Variants in RBMS3 observed in about 807,000 individuals in gnomAD.
The protein encoded by RBMS3 is RNA-binding motif, single-stranded-interacting protein 3.
RBMS3 carries 27 observed loss-of-function variants against 66.8 expected under a neutral mutation model. That is an observed-to-expected ratio of 0.40 (90% CI 0.30 to 0.56). The LOEUF (loss-of-function observed/expected upper bound fraction) is 0.56, where lower values mean the gene tolerates loss of function less well. Ranked by LOEUF, RBMS3 falls within the 20% of genes least tolerant of loss-of-function variation. The pLI is 0.40. For missense variants in RBMS3, 513 were observed against 549.5 expected (o/e 0.93, Z 0.66); for synonymous variants, 188 against 183.0 (o/e 1.03, Z -0.22).
At chr3:29,484,933 GCGGAGACTCTAT>G (rs1483513218) in intron 2 of RBMS3, among the ~76,000 whole-genome samples, 1 of 152,146 alleles carries the variant, frequency 6.6e-6, no homozygotes, top group East Asian at 1.9e-4. Context: ...TTAATTGACT[GCGGAGACTCTAT>G]TTTCAGTCTC....
chr3:29,659,334 C>T (rs61621485), intron 4 of RBMS3, among the ~76,000 whole-genome samples: 5,367 of 152,022 alleles, frequency 0.035, 208 homozygotes, highest in African/African-American at 0.091. Context: ...TATCTAGAGC[C>T]CTTTTCGTCT....
chr3:29,689,260 G>A (rs1386960195), intron 4 of RBMS3, among the ~76,000 whole-genome samples: 2 of 151,202 alleles, frequency 1.3e-5, no homozygotes, highest in Non-Finnish European at 2.9e-5. Flanking sequence ...CTTAAATTAA[G>A]CAAAATTCAT....
At chr3:29,765,532 T>A (rs1361257256) in intron 6 of RBMS3, among the ~76,000 whole-genome samples, 2 of 152,034 alleles carry the variant, frequency 1.3e-5, no homozygotes, top group Non-Finnish European at 2.9e-5. Context: ...ATCTCAGTGT[T>A]CTGCCTTATC....
chr3:29,942,355 TA>T (rs554585720), intron 11 of RBMS3, among the ~76,000 whole-genome samples: 22 of 151,244 alleles, frequency 1.5e-4, no homozygotes, highest in African/African-American at 4.4e-4. Context: ...CCCATCACAA[TA>T]AAAAAAATTG....
chr3:29,651,119 A>C (rs996382695), intron 4 of RBMS3, among the ~76,000 whole-genome samples: 2 of 152,212 alleles, frequency 1.3e-5, no homozygotes, highest in Non-Finnish European at 2.9e-5. Context: ...GACTGACTTA[A>C]TCACAGCATC....
intron 3 of RBMS3, among the ~76,000 whole-genome samples, chr3:29,527,792 C>G (rs972588404): frequency 7.1e-6 from 1 of 140,234 alleles, no homozygotes; most frequent in Non-Finnish European, 1.5e-5. Flanking sequence ...ATCCCTCCCC[C>G]CTCCCCCTAC....
At chr3:29,506,562 G>C (rs552053573) in intron 3 of RBMS3, among the ~76,000 whole-genome samples, 1 of 151,964 alleles carries the variant, frequency 6.6e-6, no homozygotes, top group Non-Finnish European at 1.5e-5. Context: ...GTTCTTGTCA[G>C]GCTTTGATGA....
chr3:29,381,939 C>A (rs1371492089), intron 1 of RBMS3, among the ~76,000 whole-genome samples: 1 of 152,056 alleles, frequency 6.6e-6, no homozygotes, highest in African/African-American at 2.4e-5. Context: ...TTCTTTCCTT[C>A]CCTGTATATC....
intron 3 of RBMS3, among the ~76,000 whole-genome samples, chr3:29,542,680 G>T (rs905246401): frequency 6.6e-6 from 1 of 152,086 alleles, no homozygotes; most frequent in Admixed American, 6.6e-5. Context: ...TTTTTAAATG[G>T]AAAGGGATGT....
chr3:29,951,129 A>G (rs899530559), intron 12 of RBMS3, among the ~76,000 whole-genome samples: 7 of 151,996 alleles, frequency 4.6e-5, no homozygotes, highest in South Asian at 2.1e-4. Context: ...CACAAATTCA[A>G]CTTGGAAGTA....
Position 30,004,845 on chromosome 3 carries a change from G to A in RBMS3, c.*983G>A, listed in dbSNP as rs952270189. On this transcript the variant is annotated 3_prime_UTR_variant, in exon 15 of 15. Coordinates refer to ENST00000383767, the MANE Select transcript of RBMS3 (RefSeq NM_001003793.3). The stretch of plus-strand genomic sequence containing the variant: ...TTTTATGAGCTTTACAAAGTTTTTA[G>A]TCAGCTTTGCTTGTCACATTGCAAA... 2.0e-5 allele frequency: 3 copies of A among 149,730 alleles called. No individual in the cohort carries two copies. Among genetic ancestry groups the A allele is most frequent in the Non-Finnish European group, 4.5e-5 (3 of 67,386 alleles). 9.3% of individuals were successfully genotyped at this position (149,730 alleles called of 1,614,324 possible). A position where few individuals can be genotyped will look rare whatever the true frequency, so the allele number is the denominator to read the frequency against.
At chr3:29,617,659 G>C (rs961612867) in intron 4 of RBMS3, among the ~76,000 whole-genome samples, 1 of 152,144 alleles carries the variant, frequency 6.6e-6, no homozygotes, top group African/African-American at 2.4e-5. Context: ...CAAGGTCCTA[G>C]GGATGAAATT....
At chr3:29,418,297 T>A (rs2040562888) in intron 1 of RBMS3, among the ~76,000 whole-genome samples, 1 of 152,152 alleles carries the variant, frequency 6.6e-6, no homozygotes, top group South Asian at 2.1e-4. Flanking sequence ...ATCTGTGTCA[T>A]TGCGCAAAAT....
intron 4 of RBMS3, among the ~76,000 whole-genome samples, chr3:29,598,398 C>G (rs1168161329): frequency 2.0e-5 from 3 of 152,040 alleles, no homozygotes; most frequent in African/African-American, 7.2e-5. Context: ...CCTTGAAAGA[C>G]CAAGGTTAAT....
chr3:29,923,631 A>C (rs540255924), intron 10 of RBMS3, among the ~76,000 whole-genome samples: 34 of 152,358 alleles, frequency 2.2e-4, no homozygotes, highest in African/African-American at 8.2e-4. Context: ...CAGAAAAAAA[A>C]AACTGGTTCT....
At chr3:29,756,206 A>G (rs1056501364) in intron 5 of RBMS3, among the ~76,000 whole-genome samples, 1 of 152,104 alleles carries the variant, frequency 6.6e-6, no homozygotes, top group South Asian at 2.1e-4. Flanking sequence ...ATTCTCTGAC[A>G]TCAATTGGAT....
At chr3:29,760,726 A>G (rs1026234958) in intron 5 of RBMS3, among the ~76,000 whole-genome samples, 1 of 152,070 alleles carries the variant, frequency 6.6e-6, no homozygotes, top group African/African-American at 2.4e-5. Flanking sequence ...AGGAAACTTG[A>G]AAGAGTTAGG....
At chr3:29,613,908 A>G (rs2048572214) in intron 4 of RBMS3, among the ~76,000 whole-genome samples, 1 of 152,156 alleles carries the variant, frequency 6.6e-6, no homozygotes, top group Admixed American at 6.6e-5. Context: ...CTTTATGGAA[A>G]ACATTATAAA....
Position 29,535,587 on chromosome 3 carries a change from C to T in RBMS3, c.307+47088C>T, listed in dbSNP as rs11713411. The stretch of plus-strand genomic sequence containing the variant: ...GATCTGGAGTTTGACAAAACCTAGT[C>T]TACATCCCAGTTCCTTCAACATTCT... On this transcript the variant is annotated intron_variant, in intron 3 of 14. Coordinates refer to ENST00000383767, the MANE Select transcript of RBMS3 (RefSeq NM_001003793.3). Among the ~76,000 whole-genome samples, 91 of 151,942 alleles carry T rather than the reference C, an allele frequency of 6.0e-4. 1 individual carries two copies. Among genetic ancestry groups the T allele is most frequent in the Non-Finnish European group, 8.2e-4 (56 of 67,930 alleles).
Sources: allele counts gnomAD v4.1 joint callset (sites outside exome capture counted in the v4.1 genomes callset), GRCh38; gene constraint gnomAD v4.1.1; transcripts MANE v1.5; gene names NCBI Gene and HGNC (gene_info 2026-07-23, HGNC 2026-07-21).